Variants in NCAPD3 observed in about 807,000 individuals in gnomAD.
NCAPD3 encodes condensin-2 complex subunit D3.
In NCAPD3, 105 loss-of-function variants were observed where a neutral mutation model predicts 182.9. That is an observed-to-expected ratio of 0.57 (90% CI 0.49 to 0.68). NCAPD3 has a LOEUF of 0.68. Ranked by LOEUF, NCAPD3 falls within the 30% of genes least tolerant of loss-of-function variation. The probability of loss-of-function intolerance (pLI) is 0.00; values close to 1 mark genes in which losing one functional copy is unlikely to be tolerated. For synonymous variants in NCAPD3, 815 were observed against 679.9 expected (o/e 1.20, Z -3.09); for missense variants, 1,944 against 1,837.0 (o/e 1.06, Z -1.07).
chr11:134,176,140 G>A (rs1162628957), intron 24 of NCAPD3, among the ~76,000 whole-genome samples, 167 bp downstream of exon 24: 1 of 151,984 alleles, frequency 6.6e-6, no homozygotes, highest in African/African-American at 2.4e-5. Context: ...CAAAACAAAG[G>A]TTTGTTATAT....
At chr11:134,157,147 G>A (rs762565145) in intron 31 of NCAPD3, 52 bp from the exon 32 acceptor site, 5 of 1,408,942 alleles carry the variant, frequency 3.5e-6, no homozygotes, top group South Asian at 2.5e-5. Flanking sequence ...CAATAACGAA[G>A]AGCAAAACAA....
chr11:134,153,464 TC>T, intron 32 of NCAPD3, 101 bp from the exon 33 acceptor site: 2 of 1,250,054 alleles, frequency 1.6e-6, no homozygotes, highest in Non-Finnish European at 2.4e-6. Context: ...CACATCAGTG[TC>T]CCAGCGGCGG....
chr11:134,214,368 CA>C (rs1197819894), intron 3 of NCAPD3, among the ~76,000 whole-genome samples: 2 of 152,114 alleles, frequency 1.3e-5, no homozygotes, highest in Non-Finnish European at 2.9e-5. Context: ...GCCTGCACAA[CA>C]GTAAAAACAT....
intron 28 of NCAPD3, among the ~76,000 whole-genome samples, chr11:134,160,950 T>TC (rs1196796922): frequency 1.3e-5 from 2 of 151,880 alleles, no homozygotes; most frequent in African/African-American, 4.8e-5. Flanking sequence ...TGTTTTTGTT[T>TC]TTTTTTTTCC....
At chr11:134,195,830 C>T (rs1385012619) in intron 13 of NCAPD3, among the ~76,000 whole-genome samples, 1 of 152,122 alleles carries the variant, frequency 6.6e-6, no homozygotes, top group Non-Finnish European at 1.5e-5. Context: ...ATCTCTGTTT[C>T]TACCTGCAAT....
rs940771989 is a variant in NCAPD3 at position 134,152,784 on chromosome 11, A to T, written c.*160T>A. ...TGTTTAACCAAATACATCATACAGA[A>T]TAGAAGGTGAGTGCCAGGCCCCTGA... is the stretch of plus-strand genomic sequence containing the variant. On this transcript the variant is annotated 3_prime_UTR_variant, in exon 35 of 35. Coordinates refer to ENST00000534548, the MANE Select transcript of NCAPD3 (RefSeq NM_015261.3). 7.5e-5 allele frequency: 45 copies of T among 603,072 alleles called. No homozygotes were observed. Among genetic ancestry groups the T allele is most frequent in the Admixed American group, 3.1e-5 (1 of 32,712 alleles). The allele number at this position is 603,072 out of a possible 1,614,324, so 37.4% of individuals were successfully genotyped here.
chr11:134,168,254 G>A (rs762115370), intron 26 of NCAPD3, 59 bp from the exon 27 acceptor site: 7 of 1,540,422 alleles, frequency 4.5e-6, no homozygotes, highest in South Asian at 2.2e-5. Context: ...GCCCAGAGAG[G>A]AGGTGTAATT....
At chr11:134,174,104 C>G (rs117934711) in intron 24 of NCAPD3, among the ~76,000 whole-genome samples, 4 of 152,014 alleles carry the variant, frequency 2.6e-5, no homozygotes, top group African/African-American at 4.8e-5. Flanking sequence ...CACGAAAAAA[C>G]GTATTGCCTG....
intron 27 of NCAPD3, among the ~76,000 whole-genome samples, chr11:134,167,135 TG>T (rs1389725888): frequency 1.9e-5 from 2 of 106,546 alleles, no homozygotes; most frequent in Non-Finnish European, 3.7e-5. Flanking sequence ...GAGATGAGCT[TG>T]GGGGAGGGGC....
intron 8 of NCAPD3, among the ~76,000 whole-genome samples, chr11:134,206,324 C>A (rs1439020552): frequency 6.6e-6 from 1 of 152,226 alleles, no homozygotes; most frequent in Non-Finnish European, 1.5e-5. Flanking sequence ...CATCCTCTCT[C>A]TGAGGCTGAC....
chr11:134,222,500 CCTT>C (rs1157097766), intron 1 of NCAPD3, among the ~76,000 whole-genome samples: 3 of 152,164 alleles, frequency 2.0e-5, no homozygotes, highest in South Asian at 2.1e-4. Flanking sequence ...ATTAGTCTCT[CCTT>C]CATCATTGGA....
At position 134,174,131 on chromosome 11, in the gene NCAPD3, C is replaced by A. The variant is rs115140195; in HGVS notation, c.3101+2176G>T. Among the ~76,000 whole-genome samples the A allele has an allele frequency of 4.2e-3, 643 of 152,146 alleles. 4 individuals are homozygous for A. Among genetic ancestry groups the A allele is most frequent in the African/African-American group, 0.015 (616 of 41,526 alleles). On this transcript the variant is annotated intron_variant, in intron 24 of 34. Transcript: ENST00000534548. Reference sequence around the variant, plus strand: ...TATTGCCTGCTGTGGTGACTCAAGCCTGTAATTCCCACACTTTGGAAGGCC... The same window carrying A: ...TATTGCCTGCTGTGGTGACTCAAGCATGTAATTCCCACACTTTGGAAGGCC...
chr11:134,152,885 G>A lies in NCAPD3; in HGVS notation c.*59C>T. On this transcript the variant is annotated 3_prime_UTR_variant, in exon 35 of 35. Transcript: ENST00000534548. ...GTGATCCAGCTGCCTTCACACGGAG[G>A]ACACGAGACTGCTTCCTCAAGGGCT... is the stretch of plus-strand genomic sequence containing the variant. 3.0e-6 allele frequency: 4 copies of A among 1,334,478 alleles called. No homozygotes were observed. The South Asian group carries it at 5.7e-5, about 19-fold the overall frequency. 82.7% of individuals were successfully genotyped at this position (1,334,478 alleles called of 1,614,324 possible).
chr11:134,151,866 G>A lies in NCAPD3; in HGVS notation c.*1078C>T, dbSNP rs984464169. The A allele has an allele frequency of 7.9e-5, 12 of 152,254 alleles. No homozygotes were observed. The highest frequency in any genetic ancestry group is 2.1e-4 in the South Asian group (1 of 4,816). The allele number at this position is 152,254 out of a possible 1,614,324, so 9.4% of individuals were successfully genotyped here. On this transcript the variant is annotated 3_prime_UTR_variant, in exon 35 of 35. Transcript: ENST00000534548. The stretch of plus-strand genomic sequence containing the variant: ...TGCTATCAATCACCCATCCACCAGG[G>A]AAGTCAGTGCTGGGCAGGAGGTCAG...
intron 20 of NCAPD3, among the ~76,000 whole-genome samples, chr11:134,180,213 A>G (rs1219066505): frequency 1.3e-5 from 2 of 152,144 alleles, no homozygotes; most frequent in Non-Finnish European, 2.9e-5. Flanking sequence ...GATCACGTGC[A>G]CAGTAGTGCC....
Position 134,153,273 on chromosome 11 carries a change from G to A in NCAPD3, c.4327+16C>T, listed in dbSNP as rs1444364222. 6.2e-7 allele frequency: 1 copy of A among 1,613,998 alleles called. No homozygotes were observed. The highest frequency in any genetic ancestry group is 8.5e-7 in the Non-Finnish European group (1 of 1,179,894). ...GGCAGTGCATCTATCAGCCCAGAAGGACACCAAGAACTTGCCTTTGGCTGA... is the reference window on the plus strand; with the variant it reads ...GGCAGTGCATCTATCAGCCCAGAAGAACACCAAGAACTTGCCTTTGGCTGA... On this transcript the variant is annotated intron_variant, in intron 33 of 34. Transcript: ENST00000534548.
In NCAPD3 at chr11:134,153,012, TGG is replaced by T; in HGVS notation, c.4427_4428del (p.Ala1476GlufsTer3). ...QPQQWNVRSPARNKDTPACSR... is the reference protein window; with the variant it reads ...QPQQWNVRSPXRNKDTPACSR... ...CTGCAGGCTGGAGTGTCTTTATTCCTGGCGGGAGACCGCACATTCCACTGCTG... is the reference window on the plus strand; with the variant it reads ...CTGCAGGCTGGAGTGTCTTTATTCCTCGGGAGACCGCACATTCCACTGCTG... On this transcript the variant is annotated frameshift_variant, in exon 35 of 35. Transcript: ENST00000534548. LOFTEE classifies it high-confidence loss of function. 1 of 1,593,396 alleles carries T rather than the reference TGG, an allele frequency of 6.3e-7. No individual in the cohort carries two copies.
rs542053708 is a variant in NCAPD3 at position 134,162,933 on chromosome 11, A to C, written c.3574-1042T>G. Among the ~76,000 whole-genome samples, 185 of 152,314 alleles carry C rather than the reference A, an allele frequency of 1.2e-3. 1 individual carries two copies. The highest frequency in any genetic ancestry group is 2.1e-3 in the Non-Finnish European group (146 of 68,028). On this transcript the variant is annotated intron_variant, in intron 27 of 34. Transcript: ENST00000534548. ...TGGGATGCCTAAGGAGTGCATGGCC[A>C]TCTGATGGATGATCCTGAGGATGTG...
At position 134,177,294 on chromosome 11, in the gene NCAPD3, G is replaced by A; in HGVS notation, c.2946C>T (p.Asn982=). 1.2e-6 allele frequency: 2 copies of A among 1,614,250 alleles called. No individual in the cohort carries two copies. Among genetic ancestry groups the A allele is most frequent in the Non-Finnish European group, 1.7e-6 (2 of 1,180,046 alleles). The change falls in exon 23 of 35, where the codon AAC becomes AAT. Residue 982 remains asparagine (N), a synonymous_variant. Coordinates refer to ENST00000534548, the MANE Select transcript of NCAPD3 (RefSeq NM_015261.3). ...CGGAATCCTTCAGACACATGGAGAT[G>A]TTGGGAATATACTTGTCCACCATGA... ...YTIMVDKYIP[N]ISMCLKDSDP...
Sources: gnomAD v4.1 joint callset for allele counts (sites outside exome capture counted in the v4.1 genomes callset) on GRCh38, gnomAD v4.1.1 for gene constraint, MANE v1.5 for transcripts, NCBI Gene and HGNC (gene_info 2026-07-23, HGNC 2026-07-21) for gene names.